The following PLCB3 variants were observed in gnomAD, a reference collection of about 807,000 sequenced individuals.
PLCB3 encodes the protein 1-phosphatidylinositol 4,5-bisphosphate phosphodiesterase beta-3.
In PLCB3, 54 loss-of-function variants were observed where a neutral mutation model predicts 152.1. That is an observed-to-expected ratio of 0.36 (90% CI 0.29 to 0.45). PLCB3 has a LOEUF of 0.45. Ranked by LOEUF, PLCB3 falls within the 20% of genes least tolerant of loss-of-function variation. The pLI is 1.00. For synonymous variants in PLCB3, 717 were observed against 698.7 expected (o/e 1.03, Z -0.41); for missense variants, 1,248 against 1,687.5 (o/e 0.74, Z 4.56).
In PLCB3 at chr11:64,267,694, C is replaced by G; in HGVS notation, c.*138C>G. 3 of 699,840 alleles carry G rather than the reference C, an allele frequency of 4.3e-6. No individual in the cohort carries two copies. The South Asian group carries it at 5.9e-5, about 14-fold the overall frequency. 43.4% of individuals were successfully genotyped at this position (699,840 alleles called of 1,614,324 possible). On this transcript the variant is annotated 3_prime_UTR_variant, in exon 31 of 31. Transcript: ENST00000279230. This position sits in a 1 kb window ranked among gnomAD's most constrained non-coding sequence, Gnocchi z 5.2. ...TTTTTTAAACCCGGGGCAAGTACCT[C>G]AGCTAACTCCCTTCATCCTCCTGGG...
Position 64,254,415 on chromosome 11 carries a change from G to C in PLCB3, c.100G>C (p.Glu34Gln). 1 of 1,613,564 alleles carries C rather than the reference G, an allele frequency of 6.2e-7. No individual in the cohort carries two copies. Among genetic ancestry groups the C allele is most frequent in the Non-Finnish European group, 8.5e-7 (1 of 1,179,656 alleles). The change falls in exon 2 of 31, where the codon GAG (glutamate) becomes CAG (glutamine). Residue 34 changes from glutamate (E) to glutamine (Q), a missense_variant and splice_region_variant. Coordinates refer to ENST00000279230, the MANE Select transcript of PLCB3 (RefSeq NM_000932.5). The part of the protein sequence containing the change: ...RGSKFIKWDE[E>Q]TSSRNLVTLR... The stretch of plus-strand genomic sequence containing the variant: ...CCCTGCTGCCCTGTGCTGTCCTCAG[G>C]AGACCTCCAGTCGGAACCTGGTGAC...
Position 64,251,742 on chromosome 11 carries a change from G to C in PLCB3, c.93G>C (p.Trp31Cys). ...TLRRGSKFIK[W>C]DEETSSRNLV... is the part of the protein sequence containing the mutation. ...GGCGCGGGAGTAAGTTCATCAAATG[G>C]GACGAGGTAAGCGCGCGGGCCCCTG... Residue 31 changes from tryptophan (W) to cysteine (C), a missense_variant, in exon 1 of 31, where the codon TGG (tryptophan) becomes TGC (cysteine). Transcript: ENST00000279230. 2 of 1,459,168 alleles carry C rather than the reference G, an allele frequency of 1.4e-6. No homozygotes were observed. The highest frequency in any genetic ancestry group is 1.8e-6 in the Non-Finnish European group (2 of 1,098,368). The allele number at this position is 1,459,168 out of a possible 1,614,324, so 90.4% of individuals were successfully genotyped here.
chr11:64,262,505 G>A lies in PLCB3; in HGVS notation c.2137G>A (p.Asp713Asn), dbSNP rs780232749. 44 of 1,613,970 alleles carry A rather than the reference G, an allele frequency of 2.7e-5. No homozygotes were observed. The highest frequency in any genetic ancestry group is 1.6e-4 in the Middle Eastern group (1 of 6,062). The part of the protein sequence containing the change: ...EFMRRPDKSF[D>N]PFTEVIVDGI... ...CATGCGGCGGCCGGACAAGTCCTTC[G>A]ACCCCTTCACTGAGGTCATCGTGGA... Residue 713 changes from aspartate to asparagine, a missense_variant, in exon 18 of 31, where the codon GAC becomes AAC. Transcript: ENST00000279230.
At position 64,258,711 on chromosome 11, in the gene PLCB3, C is replaced by T. The variant is rs1209005774; in HGVS notation, c.1251C>T (p.Asp417=). ...TCCTCTCCTTCGAGAACCATGTGGA[C>T]TCGTGAGTGAGCCCCTGGCATGAAA... ...PVILSFENHV[D]SAKQQAKMAE... Residue 417 remains aspartate (D), a splice_region_variant and synonymous_variant, in exon 11 of 31, where the codon GAC becomes GAT. Transcript: ENST00000279230. This position sits in a 1 kb window ranked among gnomAD's most constrained non-coding sequence, Gnocchi z 7.2. 1 of 1,613,648 alleles carries T rather than the reference C, an allele frequency of 6.2e-7. No individual in the cohort carries two copies. The highest frequency in any genetic ancestry group is 8.5e-7 in the Non-Finnish European group (1 of 1,179,820).
chr11:64,263,785 C>A lies in PLCB3; in HGVS notation c.2550C>A (p.Asp850Glu). ...IYTEASDYIP[D>E]DHQDYAEALI... ...CCGAAGCCTCGGACTACATTCCTGACGACCACCAGGGTGAGCTGGGGGTGG... is the reference window on the plus strand; with the variant it reads ...CCGAAGCCTCGGACTACATTCCTGAAGACCACCAGGGTGAGCTGGGGGTGG... Residue 850 changes from aspartate to glutamate, a missense_variant, in exon 21 of 31, where the codon GAC becomes GAA. Asp to Glu is a conservative substitution (Grantham distance 45, BLOSUM62 2). This residue lies in a region of PLCB3 where 244 missense variants were observed against 424.4 expected (regional missense o/e 0.57). Coordinates refer to ENST00000279230, the MANE Select transcript of PLCB3 (RefSeq NM_000932.5). 1.2e-6 allele frequency: 2 copies of A among 1,612,488 alleles called. No homozygotes were observed. Among genetic ancestry groups the A allele is most frequent in the South Asian group, 2.2e-5 (2 of 91,080 alleles).
In PLCB3 at chr11:64,255,491, T is replaced by C; in HGVS notation, c.521+42T>C. 6.2e-7 allele frequency: 1 copy of C among 1,613,932 alleles called. No homozygotes were observed. Among genetic ancestry groups the C allele is most frequent in the South Asian group, 1.1e-5 (1 of 91,078 alleles). On this transcript the variant is annotated intron_variant, in intron 6 of 30. Transcript: ENST00000279230. This position sits in a 1 kb window ranked among gnomAD's most constrained non-coding sequence, Gnocchi z 6.8. ...CCAGCACCTTCCTCCTGCCCTGACC[T>C]TGGTGACCTTTGTCCTCCACTGACC...
At chr11:64,254,214 A>G (rs2031389674) in intron 1 of PLCB3, among the ~76,000 whole-genome samples, 1 of 152,078 alleles carries the variant, frequency 6.6e-6, no homozygotes, top group South Asian at 2.1e-4. Context: ...GCTTTGAGGT[A>G]GGTGTGACAC....
intron 21 of PLCB3, 78 bp downstream of exon 21, chr11:64,263,873 C>CGAGCTGG (rs2031980454): frequency 6.1e-6 from 8 of 1,308,128 alleles, no homozygotes; most frequent in Non-Finnish European, 8.8e-6. Context: ...TGGGAGTGGC[C>CGAGCTGG]GAGCTGGATG....
chr11:64,261,257 C>A, intron 14 of PLCB3, 143 bp from the exon 15 acceptor site: 1 of 686,606 alleles, frequency 1.5e-6, no homozygotes, highest in South Asian at 1.6e-5. Context: ...ATCAGTGAGA[C>A]CCCGGGGAGA....
At chr11:64,259,953 C>G in intron 13 of PLCB3, 76 bp from the exon 14 acceptor site, 1 of 1,271,186 alleles carries the variant, frequency 7.9e-7, no homozygotes, top group Non-Finnish European at 1.1e-6. Flanking sequence ...TCGGCACACA[C>G]TGGGAAAAAC....
In PLCB3 at chr11:64,266,167, A is replaced by G. The variant is rs1194621870; in HGVS notation, c.3231A>G (p.Thr1077=). 3 of 1,613,932 alleles carry G rather than the reference A, an allele frequency of 1.9e-6. No individual in the cohort carries two copies. Among genetic ancestry groups the G allele is most frequent in the Admixed American group, 3.3e-5 (2 of 60,000 alleles). ...GGGAGGTCGTCCTTGATGCAAACACAACTCAGTTCAAGAGGCTGAAAGAGA... is the reference window on the plus strand; with the variant it reads ...GGGAGGTCGTCCTTGATGCAAACACGACTCAGTTCAAGAGGCTGAAAGAGA... The part of the protein sequence containing the change: ...RLREVVLDAN[T]TQFKRLKEMN... The change falls in exon 27 of 31, where the codon ACA becomes ACG. Residue 1077 remains threonine (T), a synonymous_variant. Transcript: ENST00000279230. The surrounding 1 kb of genome is among the most constrained non-coding windows in gnomAD (Gnocchi z 4.9).
chr11:64,260,311 AGACT>A (rs1410113103), intron 14 of PLCB3, 77 bp downstream of exon 14: 1 of 1,017,892 alleles, frequency 9.8e-7, no homozygotes, highest in Non-Finnish European at 1.5e-6. Context: ...ACCATCAACA[AGACT>A]GACATCACCC....
intron 25 of PLCB3, 131 bp downstream of exon 25, chr11:64,265,633 A>G: frequency 7.1e-7 from 1 of 1,414,416 alleles, no homozygotes; most frequent in Non-Finnish European, 9.3e-7. Flanking sequence ...GCAAGGATGG[A>G]GGAGGCTTTC....
At chr11:64,262,272 C>A in intron 17 of PLCB3, 135 bp from the exon 18 acceptor site, 2 of 1,302,806 alleles carry the variant, frequency 1.5e-6, no homozygotes, top group Admixed American at 3.6e-5. Context: ...TGTCCTGGAT[C>A]CGGACCCTGA....
In PLCB3 at chr11:64,254,726, C is replaced by T. The variant is rs748799896; in HGVS notation, c.178-22C>T. 3 of 1,610,836 alleles carry T rather than the reference C, an allele frequency of 1.9e-6. No homozygotes were observed. The South Asian group carries it at 3.3e-5, about 18-fold the overall frequency. On this transcript the variant is annotated intron_variant, in intron 2 of 30. Coordinates refer to ENST00000279230, the MANE Select transcript of PLCB3 (RefSeq NM_000932.5). ...TTGCCCTGCAGCCTCTCATACTCAG[C>T]CTGGCATCTGGTTCCCCCCAGGAGG...
At position 64,267,281 on chromosome 11, in the gene PLCB3, T is replaced by C. The variant is rs1232156810; in HGVS notation, c.3501+10T>C. 5 of 1,550,796 alleles carry C rather than the reference T, an allele frequency of 3.2e-6. No homozygotes were observed. Among genetic ancestry groups the C allele is most frequent in the African/African-American group, 1.4e-5 (1 of 73,054 alleles). On this transcript the variant is annotated intron_variant, in intron 30 of 30. Coordinates refer to ENST00000279230, the MANE Select transcript of PLCB3 (RefSeq NM_000932.5). The surrounding 1 kb of genome is among the most constrained non-coding windows in gnomAD (Gnocchi z 5.2). ...AGAAGAGGAGCCCAAGGTGAGGCCA[T>C]GGGCGAACAGGTGGGCAGACGGGGT... is the stretch of plus-strand genomic sequence containing the variant.
rs551268791 is a variant in PLCB3, at chr11:64,260,856, A to T, written c.1732-544A>T. Among the ~76,000 whole-genome samples the T allele has an allele frequency of 9.9e-5, 15 of 151,696 alleles. No individual in the cohort carries two copies. The East Asian group carries it at 2.9e-3, about 29-fold the overall frequency. ...AGTGAAATTTAAAGATGGACTACAT[A>T]TTAGATAATATGTTAATGTTTTGTT... is the stretch of plus-strand genomic sequence containing the variant. On this transcript the variant is annotated intron_variant, in intron 14 of 30. Transcript: ENST00000279230.
At chr11:64,261,556 C>T (rs372172552) in intron 15 of PLCB3, 25 bp from the exon 16 acceptor site, 170 of 1,612,354 alleles carry the variant, frequency 1.1e-4, no homozygotes, top group African/African-American at 1.7e-4. Flanking sequence ...CCAGGTCTGA[C>T]GCCCTTTCTT....
chr11:64,256,506 G>C lies in PLCB3; in HGVS notation c.829G>C (p.Glu277Gln), dbSNP rs764499154. ...GCCCTCCCAGGCCCGGCTGCTCATCGAAAAGTATGAGCCCAACCAGCAGTT... is the reference window on the plus strand; with the variant it reads ...GCCCTCCCAGGCCCGGCTGCTCATCCAAAAGTATGAGCCCAACCAGCAGTT... Reference protein sequence around the residue: ...LRPSQARLLIEKYEPNQQFLE... With the variant: ...LRPSQARLLIQKYEPNQQFLE... Residue 277 changes from glutamate to glutamine, a missense_variant, in exon 9 of 31, where the codon GAA (glutamate) becomes CAA (glutamine). By Grantham distance (29) the Glu-to-Gln change is conservative. Coordinates refer to ENST00000279230, the MANE Select transcript of PLCB3 (RefSeq NM_000932.5). 2.5e-6 allele frequency: 4 copies of C among 1,613,894 alleles called. No homozygotes were observed. The South Asian group carries it at 3.3e-5, about 13-fold the overall frequency.
Sources: gnomAD v4.1 joint callset for allele counts (sites outside exome capture counted in the v4.1 genomes callset) on GRCh38, gnomAD v4.1.1 for gene constraint, gnomAD v4.1.1 regional missense constraint, Gnocchi (gnomAD v3.1) non-coding constraint, MANE v1.5 for transcripts, NCBI Gene and HGNC (gene_info 2026-07-23, HGNC 2026-07-21) for gene names.